WWOX: variants seen among roughly 807,000 people sequenced by gnomAD.
WWOX encodes the protein WW domain containing oxidoreductase, also known as WW domain-containing oxidoreductase.
A neutral mutation model predicts 46.2 loss-of-function variants in WWOX; 69 were observed. That is an observed-to-expected ratio of 1.49 (90% CI 1.23 to 1.82). WWOX has a LOEUF of 1.82. WWOX is among the 40% of genes most tolerant of loss of function. The pLI is 0.00. For missense variants in WWOX, 919 were observed against 542.6 expected (o/e 1.69, Z -6.89); for synonymous variants, 359 against 202.6 (o/e 1.77, Z -6.56).
chr16:78,893,329 C>T (rs113118186), intron 8 of WWOX, among the ~76,000 whole-genome samples: 9 of 152,280 alleles, frequency 5.9e-5, no homozygotes, highest in African/African-American at 1.2e-4. Flanking sequence ...CCAGTCCTTT[C>T]GCCTGTCCCC....
intron 8 of WWOX, among the ~76,000 whole-genome samples, chr16:79,192,728 A>G (rs1312811333): frequency 6.6e-6 from 1 of 151,982 alleles, no homozygotes; most frequent in East Asian, 1.9e-4. Context: ...CCCTTTGCTT[A>G]TTCTCAGCAC....
At chr16:79,177,846 G>C (rs903368993) in intron 8 of WWOX, among the ~76,000 whole-genome samples, 5 of 152,178 alleles carry the variant, frequency 3.3e-5, no homozygotes, top group African/African-American at 1.2e-4. Flanking sequence ...ACTTTGTTCA[G>C]GCTGCTATAA....
intron 5 of WWOX, among the ~76,000 whole-genome samples, chr16:78,226,928 A>G (rs1337439155): frequency 2.6e-5 from 4 of 152,300 alleles, no homozygotes; most frequent in Admixed American, 1.3e-4. Context: ...ATTACTTTGG[A>G]CACAAAGAGG....
intron 8 of WWOX, among the ~76,000 whole-genome samples, chr16:79,097,973 C>G (rs534793955): frequency 6.6e-6 from 1 of 152,250 alleles, no homozygotes; most frequent in South Asian, 2.1e-4. Context: ...GGCAATGCTT[C>G]AAGCCTTTAA....
chr16:78,906,983 G>A (rs1254799897), intron 8 of WWOX, among the ~76,000 whole-genome samples: 1 of 152,276 alleles, frequency 6.6e-6, no homozygotes, highest in Admixed American at 6.5e-5. Context: ...GGTTCATTCT[G>A]CCTGATGCCC....
chr16:78,727,571 C>T (rs1004105126), intron 8 of WWOX, among the ~76,000 whole-genome samples: 9 of 152,080 alleles, frequency 5.9e-5, no homozygotes, highest in Non-Finnish European at 1.2e-4. Flanking sequence ...AGTTCCAGTC[C>T]GTGGGGGCCC....
chr16:78,828,694 G>C (rs2051729371), intron 8 of WWOX, among the ~76,000 whole-genome samples: 1 of 152,080 alleles, frequency 6.6e-6, no homozygotes, highest in Admixed American at 6.5e-5. Flanking sequence ...TGCCAATTAT[G>C]TGCAGGGAAC....
chr16:79,142,419 C>T (rs181957734), intron 8 of WWOX, among the ~76,000 whole-genome samples: 64 of 152,284 alleles, frequency 4.2e-4, no homozygotes, highest in South Asian at 1.4e-3. Flanking sequence ...TGATTTCAGC[C>T]ATAGTGAGAA....
chr16:78,452,715 G>A (rs1054725331), intron 8 of WWOX, among the ~76,000 whole-genome samples: 1 of 151,396 alleles, frequency 6.6e-6, no homozygotes, highest in Non-Finnish European at 1.5e-5. Context: ...ACCTCCATGT[G>A]ATCGGCCTGC....
chr16:78,658,959 G>T (rs1435828455), intron 8 of WWOX, among the ~76,000 whole-genome samples: 4 of 115,540 alleles, frequency 3.5e-5, no homozygotes, highest in Non-Finnish European at 5.8e-5. Context: ...AGGTATGGTG[G>T]TGCGTGCCTG....
At chr16:78,147,515 A>G (rs1387498275) in intron 4 of WWOX, among the ~76,000 whole-genome samples, 1 of 152,172 alleles carries the variant, frequency 6.6e-6, no homozygotes, top group Admixed American at 6.5e-5. Context: ...GTGAGCCTCA[A>G]AAAACTGCTG....
chr16:78,214,699 C>T (rs1269247207), intron 5 of WWOX, among the ~76,000 whole-genome samples: 1 of 152,190 alleles, frequency 6.6e-6, no homozygotes, highest in Non-Finnish European at 1.5e-5. Flanking sequence ...AACCTTAATG[C>T]CCAGCAACGC....
At chr16:78,332,494 C>G (rs1162492046) in intron 5 of WWOX, among the ~76,000 whole-genome samples, 5 of 152,242 alleles carry the variant, frequency 3.3e-5, no homozygotes, top group Admixed American at 2.0e-4. Flanking sequence ...AAAGAAAACC[C>G]GAGATCTTTT....
At chr16:78,542,904 G>A (rs377515603) in intron 8 of WWOX, among the ~76,000 whole-genome samples, 11 of 152,324 alleles carry the variant, frequency 7.2e-5, no homozygotes, top group African/African-American at 2.4e-4. Context: ...GAGGATGTTA[G>A]CCCCAATGTC....
intron 8 of WWOX, among the ~76,000 whole-genome samples, chr16:78,439,335 G>C (rs554924465): frequency 1.3e-5 from 2 of 152,238 alleles, no homozygotes; most frequent in East Asian, 3.9e-4. Context: ...TCTGTGGTTG[G>C]ACCACACTGG....
At chr16:79,012,234 T>C (rs2047325233) in intron 8 of WWOX, among the ~76,000 whole-genome samples, 1 of 151,796 alleles carries the variant, frequency 6.6e-6, no homozygotes, top group Non-Finnish European at 1.5e-5. Flanking sequence ...TAGTATGACA[T>C]CTTAATTTTT....
At chr16:78,185,200 T>C (rs986771926) in intron 5 of WWOX, among the ~76,000 whole-genome samples, 57 of 152,340 alleles carry the variant, frequency 3.7e-4, no homozygotes, top group African/African-American at 1.3e-3. Flanking sequence ...GGCCGAGAAC[T>C]GGACTATCAG....
At chr16:79,152,228 C>G (rs1048411405) in intron 8 of WWOX, among the ~76,000 whole-genome samples, 1 of 152,178 alleles carries the variant, frequency 6.6e-6, no homozygotes, top group African/African-American at 2.4e-5. Context: ...CTGACCCATG[C>G]TGGCAGAACG....
At chr16:79,138,485 C>T (rs2050025998) in intron 8 of WWOX, among the ~76,000 whole-genome samples, 1 of 152,226 alleles carries the variant, frequency 6.6e-6, no homozygotes. Flanking sequence ...GTTGGAACAA[C>T]TGCCTCACTC....
Sources: allele counts gnomAD v4.1 joint callset (sites outside exome capture counted in the v4.1 genomes callset), GRCh38; gene constraint gnomAD v4.1.1; transcripts MANE v1.5; gene names NCBI Gene and HGNC (gene_info 2026-07-23, HGNC 2026-07-21).